DPF3: variants seen among roughly 807,000 people sequenced by gnomAD.
DPF3 encodes the protein double PHD fingers 3.
DPF3 carries 18 observed loss-of-function variants against 56.8 expected under a neutral mutation model. The ratio of observed to expected loss-of-function variants is 0.32; its 90% CI spans 0.22 to 0.47. The LOEUF (loss-of-function observed/expected upper bound fraction) is 0.47. Among genes scored for constraint, DPF3 ranks in the 20% least tolerant of loss-of-function variants. The probability of loss-of-function intolerance (pLI) is 1.00; values close to 1 mark genes in which losing one functional copy is unlikely to be tolerated. For synonymous variants in DPF3, 188 were observed against 180.2 expected, an observed-to-expected ratio of 1.04 and a Z score of -0.35; for missense variants, 403 against 488.8, an observed-to-expected ratio of 0.82 and a Z score of 1.65.
intron 1 of DPF3, among the ~76,000 whole-genome samples, chr14:72,828,665 A>T (rs940817487): frequency 6.6e-6 from 1 of 152,068 alleles, no homozygotes; most frequent in African/African-American, 2.4e-5. Context: ...CCATGGGGTG[A>T]GGAGCAATGA....
intron 8 of DPF3, among the ~76,000 whole-genome samples, chr14:72,633,644 G>A (rs1448744566): frequency 2.0e-5 from 3 of 152,190 alleles, no homozygotes; most frequent in Non-Finnish European, 4.4e-5. Context: ...GTGAGGGAAT[G>A]TTGACAGATC....
chr14:72,805,144 T>C (rs1489114146), intron 1 of DPF3, among the ~76,000 whole-genome samples: 2 of 151,216 alleles, frequency 1.3e-5, no homozygotes, highest in Non-Finnish European at 2.9e-5. Context: ...ATACAGGCCA[T>C]GACTGAAGAA....
intron 9 of DPF3, among the ~76,000 whole-genome samples, chr14:72,623,153 C>G (rs182311359): frequency 3.4e-4 from 52 of 152,206 alleles, no homozygotes; most frequent in Admixed American, 3.4e-3. Context: ...AAAGACAAAT[C>G]ATATTTTTTA....
rs569830429 is a variant in DPF3, at chr14:72,787,428, A to T, written c.33-15535T>A. On this transcript the variant is annotated intron_variant, in intron 1 of 10. Coordinates refer to ENST00000556509, the MANE Select transcript of DPF3 (RefSeq NM_001280542.3). Reference sequence around the variant, plus strand: ...CACGTCAAATGGAGAGATCGTCTTCACATATTCCAAATGATGGAACACGGG... The same window carrying T: ...CACGTCAAATGGAGAGATCGTCTTCTCATATTCCAAATGATGGAACACGGG... 3.3e-5 allele frequency among the ~76,000 whole-genome samples: 5 copies of T among 152,314 alleles called. No individual in the cohort carries two copies. In the South Asian group the frequency reaches 1.0e-3, roughly 32 times the overall value.
At chr14:72,712,300 A>T (rs1250610139) in intron 6 of DPF3, among the ~76,000 whole-genome samples, 1 of 152,182 alleles carries the variant, frequency 6.6e-6, no homozygotes, top group East Asian at 1.9e-4. Context: ...GTGTGATGCA[A>T]GCACTTTGCA....
chr14:72,856,138 C>T (rs1411340414), intron 1 of DPF3, among the ~76,000 whole-genome samples: 3 of 152,158 alleles, frequency 2.0e-5, no homozygotes, highest in Non-Finnish European at 1.5e-5. Flanking sequence ...TGGACTTACT[C>T]CAACTACACA....
At chr14:72,827,401 C>A (rs1366736573) in intron 1 of DPF3, among the ~76,000 whole-genome samples, 1 of 149,084 alleles carries the variant, frequency 6.7e-6, no homozygotes, top group Non-Finnish European at 1.5e-5. Flanking sequence ...CAAGGCATAT[C>A]TTTTCTGAAT....
chr14:72,845,122 G>A (rs557173841), intron 1 of DPF3, among the ~76,000 whole-genome samples: 1 of 152,166 alleles, frequency 6.6e-6, no homozygotes, highest in Non-Finnish European at 1.5e-5. Flanking sequence ...AAGCCTCCAG[G>A]AATGGGAAAC....
At chr14:72,821,905 G>A (rs1883563376) in intron 1 of DPF3, among the ~76,000 whole-genome samples, 1 of 152,016 alleles carries the variant, frequency 6.6e-6, no homozygotes, top group African/African-American at 2.4e-5. Flanking sequence ...CTACTCAGAA[G>A]GCTAAAGTCA....
intron 8 of DPF3, among the ~76,000 whole-genome samples, chr14:72,637,285 C>G (rs1599321407): frequency 6.6e-6 from 1 of 152,290 alleles, no homozygotes; most frequent in East Asian, 1.9e-4. Context: ...CATGGTTGGT[C>G]TTCTTAAAGT....
intron 8 of DPF3, among the ~76,000 whole-genome samples, chr14:72,660,073 T>C (rs914143376): frequency 6.6e-6 from 1 of 152,086 alleles, no homozygotes; most frequent in Non-Finnish European, 1.5e-5. Context: ...CGTGTTTAAA[T>C]GGTACAGAGT....
At chr14:72,682,602 C>T (rs1887209155) in intron 7 of DPF3, among the ~76,000 whole-genome samples, 1 of 152,206 alleles carries the variant, frequency 6.6e-6, no homozygotes, top group Non-Finnish European at 1.5e-5. Context: ...TCTTCACTAG[C>T]ACCACTGAAC....
At chr14:72,836,109 T>C (rs1884283082) in intron 1 of DPF3, 2 of 985,572 alleles carry the variant, frequency 2.0e-6, no homozygotes. Flanking sequence ...GCTGTGGAAA[T>C]CCAGGTCCAA....
intron 5 of DPF3, among the ~76,000 whole-genome samples, chr14:72,717,527 G>A (rs1160113606): frequency 1.3e-5 from 2 of 152,174 alleles, no homozygotes; most frequent in African/African-American, 2.4e-5. Flanking sequence ...GTTTCTAATG[G>A]TATCATGGGT....
intron 3 of DPF3, among the ~76,000 whole-genome samples, chr14:72,752,641 C>A (rs1272950386): frequency 2.6e-5 from 4 of 152,174 alleles, no homozygotes; most frequent in African/African-American, 9.7e-5. Context: ...CCAGCCTGGG[C>A]AACAAAGCTA....
chr14:72,737,869 G>C (rs1192541119), intron 3 of DPF3, among the ~76,000 whole-genome samples: 2 of 152,026 alleles, frequency 1.3e-5, no homozygotes, highest in Non-Finnish European at 2.9e-5. Flanking sequence ...CAATGGCAAA[G>C]AATCCTCCTG....
intron 1 of DPF3, among the ~76,000 whole-genome samples, chr14:72,844,515 A>G (rs1376013368): frequency 6.6e-6 from 1 of 152,220 alleles, no homozygotes; most frequent in Non-Finnish European, 1.5e-5. Context: ...GGGTACAAGA[A>G]GCCCAGGTGT....
chr14:72,696,583 G>C (rs1887908067), intron 6 of DPF3, among the ~76,000 whole-genome samples: 1 of 152,220 alleles, frequency 6.6e-6, no homozygotes, highest in Admixed American at 6.5e-5. Context: ...GGAAGGCCAG[G>C]AGATGGGCGA....
intron 8 of DPF3, among the ~76,000 whole-genome samples, chr14:72,630,408 G>C (rs1262919567): frequency 6.6e-6 from 1 of 152,164 alleles, no homozygotes; most frequent in Non-Finnish European, 1.5e-5. Flanking sequence ...AAAAGGACTG[G>C]TTCCCGGTTC....
Sources: gnomAD v4.1 joint callset for allele counts (sites outside exome capture counted in the v4.1 genomes callset) on GRCh38, gnomAD v4.1.1 for gene constraint, MANE v1.5 for transcripts, NCBI Gene and HGNC (gene_info 2026-07-23, HGNC 2026-07-21) for gene names.